DCC: variants seen among roughly 807,000 people sequenced by gnomAD.
The protein encoded by DCC is netrin receptor DCC.
Under a neutral mutation model 172.5 loss-of-function variants are expected in DCC, and 58 were observed. The ratio of observed to expected loss-of-function variants is 0.34; its 90% CI spans 0.27 to 0.42. The LOEUF (loss-of-function observed/expected upper bound fraction) is 0.42, where lower values mean the gene tolerates loss of function less well. Among genes scored for constraint, DCC ranks in the 10% least tolerant of loss-of-function variants. The pLI is 1.00. For synonymous variants in DCC, 709 were observed against 644.5 expected (o/e 1.10, Z -1.52); for missense variants, 1,740 against 1,791.0 (o/e 0.97, Z 0.51).
rs75490365 is a variant in DCC at position 53,299,155 on chromosome 18, G to A, written c.1912-6423G>A. Reference sequence around the variant, plus strand: ...TGCACCTACATGTATGAATGGTGGGGAAGAAGGGAATAGATGGGCTTGTGT... The same window carrying A: ...TGCACCTACATGTATGAATGGTGGGAAAGAAGGGAATAGATGGGCTTGTGT... On this transcript the variant is annotated intron_variant, in intron 12 of 28. Transcript: ENST00000442544. Among the ~76,000 whole-genome samples the A allele has an allele frequency of 6.2e-3, 941 of 152,248 alleles. 6 individuals carry two copies. The highest frequency in any genetic ancestry group is 0.024 in the Admixed American group (362 of 15,284).
chr18:53,021,863 G>T (rs978600806), intron 5 of DCC, among the ~76,000 whole-genome samples: 1 of 152,186 alleles, frequency 6.6e-6, no homozygotes, highest in Non-Finnish European at 1.5e-5. Context: ...CAAGCAGTTG[G>T]TTAATGGCTG....
At chr18:53,492,243 T>G (rs1249541822) in intron 26 of DCC, among the ~76,000 whole-genome samples, 4 of 152,202 alleles carry the variant, frequency 2.6e-5, no homozygotes, top group African/African-American at 4.8e-5. Context: ...TGCAAAAATT[T>G]TCTCCCATTC....
At chr18:53,242,598 A>G (rs2056312528) in intron 12 of DCC, among the ~76,000 whole-genome samples, 1 of 152,148 alleles carries the variant, frequency 6.6e-6, no homozygotes, top group Non-Finnish European at 1.5e-5. Flanking sequence ...AGAAAATGAA[A>G]TTTAACCCTA....
intron 5 of DCC, among the ~76,000 whole-genome samples, chr18:53,044,946 C>T (rs550348269): frequency 3.4e-4 from 52 of 151,820 alleles, no homozygotes; most frequent in African/African-American, 1.3e-3. Context: ...TTCACAAAGT[C>T]TTGTGTTGAT....
At chr18:52,730,453 G>A (rs190281601) in intron 1 of DCC, among the ~76,000 whole-genome samples, 22 of 152,228 alleles carry the variant, frequency 1.4e-4, no homozygotes, top group African/African-American at 4.8e-4. Context: ...ATCTACCATG[G>A]TTCTAAGAAG....
intron 1 of DCC, among the ~76,000 whole-genome samples, chr18:52,490,370 G>C (rs931097484): frequency 1.3e-5 from 2 of 152,064 alleles, no homozygotes; most frequent in Non-Finnish European, 2.9e-5. Context: ...TTATTCACTT[G>C]TTTTCCTAGT....
chr18:53,076,905 G>A (rs897613679), intron 7 of DCC, among the ~76,000 whole-genome samples: 2 of 152,110 alleles, frequency 1.3e-5, no homozygotes, highest in South Asian at 2.1e-4. Context: ...TAGGATTAGA[G>A]CCCATGCCAG....
At chr18:53,049,480 T>G (rs1399217107) in intron 5 of DCC, among the ~76,000 whole-genome samples, 1 of 151,944 alleles carries the variant, frequency 6.6e-6, no homozygotes, top group East Asian at 1.9e-4. Context: ...TTTGTAGTAG[T>G]AGTAACTGGT....
At chr18:53,082,159 T>C (rs1207694946) in intron 7 of DCC, among the ~76,000 whole-genome samples, 1 of 152,150 alleles carries the variant, frequency 6.6e-6, no homozygotes, top group African/African-American at 2.4e-5. Flanking sequence ...CTCGTCCTTA[T>C]CAATTTATGC....
chr18:52,479,046 G>A (rs1419530728), intron 1 of DCC, among the ~76,000 whole-genome samples: 5 of 152,100 alleles, frequency 3.3e-5, no homozygotes, highest in Non-Finnish European at 7.4e-5. Context: ...CACCTGAGAG[G>A]TATTATCTTT....
At chr18:52,538,160 C>T (rs892254424) in intron 1 of DCC, among the ~76,000 whole-genome samples, 2 of 152,254 alleles carry the variant, frequency 1.3e-5, no homozygotes, top group South Asian at 2.1e-4. Context: ...AATCTTCCTC[C>T]GAAGTCTCCC....
At chr18:52,406,813 C>A (rs72918812) in intron 1 of DCC, among the ~76,000 whole-genome samples, 16,803 of 152,002 alleles carry the variant, frequency 0.11, 1,014 homozygotes, top group Middle Eastern at 0.18. Flanking sequence ...CCCAGTGTAG[C>A]AATCTATGTA....
rs1415976198 is a variant in DCC, at chr18:53,427,943, T to A, written c.3164-7201T>A. On this transcript the variant is annotated intron_variant, in intron 21 of 28. Coordinates refer to ENST00000442544, the MANE Select transcript of DCC (RefSeq NM_005215.4). ...ATAATATATAATATAATATAATATA[T>A]TATAATATATAATATAATAATATAA... Among the ~76,000 whole-genome samples, 22 of 52,260 alleles carry A rather than the reference T, an allele frequency of 4.2e-4. 5 individuals carry two copies. In the South Asian group the frequency reaches 9.2e-3, roughly 22 times the overall value. 34.3% of individuals were successfully genotyped at this position (52,260 alleles called of 152,430 possible).
chr18:52,819,218 C>A (rs9646524), intron 2 of DCC, among the ~76,000 whole-genome samples: 17,193 of 152,192 alleles, frequency 0.11, 1,066 homozygotes, highest in South Asian at 0.2. Context: ...AAGAGCTAAT[C>A]ACCCTCCTCT....
At chr18:52,378,521 A>G (rs1985451005) in intron 1 of DCC, among the ~76,000 whole-genome samples, 1 of 152,136 alleles carries the variant, frequency 6.6e-6, no homozygotes, top group African/African-American at 2.4e-5. Flanking sequence ...CACAGCCATG[A>G]AAAACAGAAT....
At chr18:52,490,768 G>A (rs973266554) in intron 1 of DCC, among the ~76,000 whole-genome samples, 5 of 151,910 alleles carry the variant, frequency 3.3e-5, no homozygotes, top group Non-Finnish European at 7.4e-5. Context: ...TTTGTTTTGG[G>A]GTATTAGGGA....
intron 7 of DCC, among the ~76,000 whole-genome samples, chr18:53,128,853 A>ACG: frequency 1.4e-5 from 1 of 71,934 alleles, no homozygotes; most frequent in South Asian, 7.0e-4. Context: ...ACACACACAC[A>ACG]CACACACACA....
intron 2 of DCC, among the ~76,000 whole-genome samples, chr18:52,894,529 A>G (rs2039700314): frequency 1.3e-5 from 2 of 151,632 alleles, no homozygotes; most frequent in South Asian, 2.1e-4. Flanking sequence ...ATCTATTTAG[A>G]AAGATAAATA....
At chr18:52,365,349 AG>A (rs1642526174) in intron 1 of DCC, among the ~76,000 whole-genome samples, 1 of 152,268 alleles carries the variant, frequency 6.6e-6, no homozygotes, top group Non-Finnish European at 1.5e-5. Context: ...GCAACAGACA[AG>A]ATCCTTGAAA....
Sources: allele counts gnomAD v4.1 joint callset (sites outside exome capture counted in the v4.1 genomes callset), GRCh38; gene constraint gnomAD v4.1.1; transcripts MANE v1.5; gene names NCBI Gene and HGNC (gene_info 2026-07-23, HGNC 2026-07-21).